Variants in JMJD1C observed in about 807,000 individuals in gnomAD.
JMJD1C encodes jumonji domain-containing protein 1C.
A neutral mutation model predicts 245.3 loss-of-function variants in JMJD1C; 31 were observed. The ratio of observed to expected loss-of-function variants is 0.13; its 90% CI spans 0.09 to 0.17. The LOEUF (loss-of-function observed/expected upper bound fraction) is 0.17, where lower values mean the gene tolerates loss of function less well. JMJD1C is among the 10% of genes least tolerant of loss of function. JMJD1C has a pLI of 1.00. For synonymous variants in JMJD1C, 1,057 were observed against 1,017.4 expected, an observed-to-expected ratio of 1.04 and a Z score of -0.74; for missense variants, 2,691 against 3,000.2, an observed-to-expected ratio of 0.90 and a Z score of 2.41.
intron 2 of JMJD1C, among the ~76,000 whole-genome samples, chr10:63,327,037 A>C (rs1207826659): frequency 2.0e-5 from 3 of 152,156 alleles, no homozygotes; most frequent in African/African-American, 7.2e-5. Flanking sequence ...AAATACAAAA[A>C]TTAGCCCGGT....
chr10:63,278,840 CA>C (rs113538798), intron 2 of JMJD1C, among the ~76,000 whole-genome samples: 21,996 of 83,746 alleles, frequency 0.26, 3,713 homozygotes, highest in African/African-American at 0.53. Flanking sequence ...ACTCCCATCT[CA>C]AAAAAAAAAA....
At chr10:63,184,491 C>T in intron 21 of JMJD1C, 117 bp downstream of exon 21, 1 of 844,298 alleles carries the variant, frequency 1.2e-6, no homozygotes, top group Non-Finnish European at 1.8e-6. Flanking sequence ...ATTCACCCGC[C>T]TTAGCCTCCC....
intron 2 of JMJD1C, among the ~76,000 whole-genome samples, chr10:63,331,331 T>C (rs1417605721): frequency 6.6e-6 from 1 of 152,220 alleles, no homozygotes; most frequent in Non-Finnish European, 1.5e-5. Context: ...ACTTTTTTCC[T>C]ATCAAATCTC....
intron 1 of JMJD1C, among the ~76,000 whole-genome samples, chr10:63,418,968 TC>T (rs1223089764): frequency 2.0e-5 from 3 of 149,592 alleles, no homozygotes; most frequent in Non-Finnish European, 4.4e-5. Context: ...CCCCAGCTAC[TC>T]AGAAGGCTGA....
chr10:63,490,138 G>A (rs959106891), intron 1 of JMJD1C, among the ~76,000 whole-genome samples: 1 of 151,950 alleles, frequency 6.6e-6, no homozygotes, highest in Non-Finnish European at 1.5e-5. Context: ...ACTGGCCCCT[G>A]GTGCCAAAAA....
intron 2 of JMJD1C, among the ~76,000 whole-genome samples, chr10:63,268,324 G>C (rs956580768): frequency 5.4e-5 from 8 of 148,710 alleles, no homozygotes; most frequent in Non-Finnish European, 1.0e-4. Flanking sequence ...GATACTGTTA[G>C]AAAACAAGTT....
At chr10:63,239,835 G>C (rs572591512) in intron 3 of JMJD1C, among the ~76,000 whole-genome samples, 2 of 152,298 alleles carry the variant, frequency 1.3e-5, no homozygotes, top group Admixed American at 1.3e-4. Flanking sequence ...ACGAAATCAA[G>C]GTCTGATGGT....
chr10:63,283,642 C>T (rs1400190247), intron 2 of JMJD1C, among the ~76,000 whole-genome samples: 1 of 152,178 alleles, frequency 6.6e-6, no homozygotes, highest in African/African-American at 2.4e-5. Flanking sequence ...GCTGGGATTA[C>T]AGGCGTGAGC....
At chr10:63,481,803 A>G (rs1953839006) in intron 1 of JMJD1C, among the ~76,000 whole-genome samples, 1 of 152,210 alleles carries the variant, frequency 6.6e-6, no homozygotes, top group Non-Finnish European at 1.5e-5. Flanking sequence ...ACAGGGAGGA[A>G]GAGACAAACA....
intron 13 of JMJD1C, among the ~76,000 whole-genome samples, chr10:63,195,630 A>AT (rs1218679540): frequency 1.3e-5 from 2 of 152,142 alleles, no homozygotes; most frequent in African/African-American, 4.8e-5. Context: ...AACCCAAGGC[A>AT]TAAGTTACAC....
At chr10:63,487,049 G>A (rs1954022481) in intron 1 of JMJD1C, among the ~76,000 whole-genome samples, 1 of 152,242 alleles carries the variant, frequency 6.6e-6, no homozygotes, top group Middle Eastern at 3.4e-3. Context: ...ATTGAAGGAG[G>A]ACAAAGATAA....
intron 24 of JMJD1C, among the ~76,000 whole-genome samples, chr10:63,170,271 A>G (rs1329655756): frequency 1.3e-5 from 2 of 152,070 alleles, no homozygotes; most frequent in Non-Finnish European, 2.9e-5. Context: ...GGTTTTTGCC[A>G]ATTTATTTTC....
At chr10:63,291,912 T>C (rs148455393) in intron 2 of JMJD1C, among the ~76,000 whole-genome samples, 1 of 152,200 alleles carries the variant, frequency 6.6e-6, no homozygotes, top group African/African-American at 2.4e-5. Context: ...AAACTATGTA[T>C]AGACATGAGA....
At chr10:63,476,165 G>A (rs539948535) in intron 1 of JMJD1C, among the ~76,000 whole-genome samples, 25 of 151,532 alleles carry the variant, frequency 1.6e-4, no homozygotes, top group African/African-American at 5.8e-4. Flanking sequence ...AGCCGAGATT[G>A]CACCACCGCA....
intron 1 of JMJD1C, among the ~76,000 whole-genome samples, chr10:63,415,190 TTAC>T (rs1442934742): frequency 6.6e-6 from 1 of 152,134 alleles, no homozygotes; most frequent in Non-Finnish European, 1.5e-5. Flanking sequence ...TAAAATGACT[TTAC>T]TATTAATATA....
chr10:63,336,674 A>G (rs72835357), intron 2 of JMJD1C, among the ~76,000 whole-genome samples: 30,685 of 152,116 alleles, frequency 0.2, 4,066 homozygotes, highest in Non-Finnish European at 0.29. Context: ...TCTCAATGAC[A>G]TCATCAAGGT....
chr10:63,196,294 C>A (rs1298963021), intron 13 of JMJD1C, among the ~76,000 whole-genome samples: 1 of 151,886 alleles, frequency 6.6e-6, no homozygotes, highest in Admixed American at 6.6e-5. Context: ...AGAAAATCAT[C>A]AACAATACAA....
At chr10:63,391,847 A>G (rs1948084702) in intron 1 of JMJD1C, among the ~76,000 whole-genome samples, 1 of 152,236 alleles carries the variant, frequency 6.6e-6, no homozygotes, top group Non-Finnish European at 1.5e-5. Flanking sequence ...AGCAATCCTG[A>G]GCAAAAAGAA....
chr10:63,258,197 T>C (rs777915324), intron 3 of JMJD1C, among the ~76,000 whole-genome samples: 20 of 152,218 alleles, frequency 1.3e-4, no homozygotes, highest in African/African-American at 1.7e-4. Flanking sequence ...GTATTTACAG[T>C]TGAGGAAACC....
Sources: allele counts gnomAD v4.1 joint callset (sites outside exome capture counted in the v4.1 genomes callset), GRCh38; gene constraint gnomAD v4.1.1; transcripts MANE v1.5; gene names NCBI Gene and HGNC (gene_info 2026-07-23, HGNC 2026-07-21).